THOC7: variants seen among roughly 807,000 people sequenced by gnomAD.
THOC7 encodes the protein NIF3L1-binding protein 1.
Under a neutral mutation model 33.1 loss-of-function variants are expected in THOC7, and 22 were observed. The ratio of observed to expected loss-of-function variants is 0.66; its 90% confidence interval spans 0.47 to 0.95. The LOEUF (loss-of-function observed/expected upper bound fraction) is 0.95. Among genes scored for constraint, THOC7 ranks in the 40% least tolerant of loss-of-function variants. THOC7 has a pLI of 0.00. For synonymous variants in THOC7, 77 were observed against 76.8 expected (o/e 1.00, Z -0.01); for missense variants, 184 against 245.3 (o/e 0.75, Z 1.67).
chr3:63,838,249 A>G, intron 3 of THOC7, 123 bp downstream of exon 3: 1 of 917,372 alleles, frequency 1.1e-6, no homozygotes, highest in Non-Finnish European at 1.6e-6. Context: ...CATTTACTGT[A>G]TTCTTTCCAT....
At chr3:63,859,176 T>C (rs997909473) in intron 1 of THOC7, among the ~76,000 whole-genome samples, 8 of 152,230 alleles carry the variant, frequency 5.3e-5, no homozygotes, top group Non-Finnish European at 8.8e-5. Context: ...ATCTGGAATA[T>C]TTTGCATTGG....
chr3:63,835,060 T>G (rs890340876), intron 7 of THOC7, 94 bp downstream of exon 7: 1 of 1,244,456 alleles, frequency 8.0e-7, no homozygotes, highest in Non-Finnish European at 1.1e-6. Flanking sequence ...ATTGAAGGTA[T>G]ACTGTCTCTC....
At chr3:63,863,637 G>C (rs1702296976) in intron 1 of THOC7, 135 bp downstream of exon 1, 2 of 1,208,270 alleles carry the variant, frequency 1.7e-6, no homozygotes, top group African/African-American at 1.6e-5. Flanking sequence ...GGGAGAGGTC[G>C]GGAAGGCCGA....
At chr3:63,837,181 CAAAAT>C in intron 4 of THOC7, among the ~76,000 whole-genome samples, 1 of 151,826 alleles carries the variant, frequency 6.6e-6, no homozygotes, top group Middle Eastern at 3.4e-3. Context: ...TTTTGAATTA[CAAAAT>C]AATACATGCC....
At chr3:63,862,821 T>TA (rs1702258501) in intron 1 of THOC7, among the ~76,000 whole-genome samples, 1 of 152,106 alleles carries the variant, frequency 6.6e-6, no homozygotes, top group Non-Finnish European at 1.5e-5. Flanking sequence ...CCTAACCAGA[T>TA]ACCTTGTAGG....
At chr3:63,862,029 G>A (rs541140067) in intron 1 of THOC7, among the ~76,000 whole-genome samples, 1 of 152,202 alleles carries the variant, frequency 6.6e-6, no homozygotes, top group South Asian at 2.1e-4. Flanking sequence ...GAGCTCAAGA[G>A]GTCCGCCTGC....
chr3:63,856,986 G>A (rs1327846216), intron 1 of THOC7, among the ~76,000 whole-genome samples: 1 of 152,190 alleles, frequency 6.6e-6, no homozygotes, highest in Non-Finnish European at 1.5e-5. Flanking sequence ...CCCAAGTGCT[G>A]GGATTACAGG....
chr3:63,856,359 C>A (rs1038274404), intron 1 of THOC7, among the ~76,000 whole-genome samples: 1 of 151,736 alleles, frequency 6.6e-6, no homozygotes, highest in Non-Finnish European at 1.5e-5. Context: ...TTATAGTCAA[C>A]AATAATTTAT....
chr3:63,850,999 C>T (rs1702009812), intron 1 of THOC7, among the ~76,000 whole-genome samples: 1 of 152,154 alleles, frequency 6.6e-6, no homozygotes. Context: ...TATTGTAGAG[C>T]AGATTACTTT....
rs138559119 is a variant in THOC7, at chr3:63,845,916, G to A, written c.20-6143C>T. Among the ~76,000 whole-genome samples, 319 of 152,294 alleles carry A rather than the reference G, an allele frequency of 2.1e-3. 1 individual carries two copies. The highest frequency in any genetic ancestry group is 6.7e-3 in the African/African-American group (277 of 41,564). ...GAATTATGATGCCATTACATGGAAT[G>A]TTCCACATGAAAAAGACTATTCATC... On this transcript the variant is annotated intron_variant, in intron 1 of 7. Transcript: ENST00000295899.
intron 3 of THOC7, 28 bp from the exon 4 acceptor site, chr3:63,838,090 G>T: frequency 6.5e-7 from 1 of 1,542,172 alleles, no homozygotes. Flanking sequence ...TTAAAAGATA[G>T]TTGTAACAAA....
chr3:63,845,762 T>C (rs1487162154), intron 1 of THOC7, among the ~76,000 whole-genome samples: 1 of 152,162 alleles, frequency 6.6e-6, no homozygotes, highest in East Asian at 1.9e-4. Context: ...CAACATAAAA[T>C]GGTTTCTTTA....
intron 2 of THOC7, 102 bp downstream of exon 2, chr3:63,839,554 C>T (rs1701712176): frequency 1.0e-6 from 1 of 972,794 alleles, no homozygotes; most frequent in East Asian, 2.4e-5. Flanking sequence ...CTCCACTGTA[C>T]ATTTAAGGTG....
At chr3:63,852,296 A>G (rs1001939595) in intron 1 of THOC7, among the ~76,000 whole-genome samples, 2 of 152,240 alleles carry the variant, frequency 1.3e-5, no homozygotes, top group Non-Finnish European at 2.9e-5. Context: ...GCTGAGCAGT[A>G]TAGATACCCT....
chr3:63,855,903 A>G (rs1467162273), intron 1 of THOC7, among the ~76,000 whole-genome samples: 1 of 152,378 alleles, frequency 6.6e-6, no homozygotes, highest in East Asian at 1.9e-4. Flanking sequence ...TAACAATTTC[A>G]GACAGGATTA....
chr3:63,859,327 C>A (rs1372244818), intron 1 of THOC7, among the ~76,000 whole-genome samples: 1 of 152,246 alleles, frequency 6.6e-6, no homozygotes. Context: ...AATTCAGTCT[C>A]CTTTCCAAAG....
intron 1 of THOC7, among the ~76,000 whole-genome samples, chr3:63,850,746 C>G (rs1428002949): frequency 4.0e-5 from 6 of 151,814 alleles, no homozygotes; most frequent in Non-Finnish European, 8.8e-5. Flanking sequence ...ACCACCACGC[C>G]CAGCTAAATT....
At position 63,836,285 on chromosome 3, in the gene THOC7, A is replaced by AAAGCTCTGT; in HGVS notation, c.410+15_410+16insACAGAGCTT. On this transcript the variant is annotated intron_variant, in intron 5 of 7. Transcript: ENST00000295899. ...TATAAAGGTTAGTTCCTTTCAAAGTAAAGCTCTACACTTACTTTAATGTCT... is the reference window on the plus strand; with the variant it reads ...TATAAAGGTTAGTTCCTTTCAAAGTAAAGCTCTGTAAGCTCTACACTTACTTTAATGTCT... 1.9e-6 allele frequency: 3 copies of AAAGCTCTGT among 1,607,424 alleles called. No individual in the cohort carries two copies. The highest frequency in any genetic ancestry group is 2.6e-6 in the Non-Finnish European group (3 of 1,176,344).
intron 1 of THOC7, among the ~76,000 whole-genome samples, chr3:63,853,389 A>G (rs1702054659): frequency 1.3e-5 from 2 of 152,166 alleles, no homozygotes; most frequent in South Asian, 4.1e-4. Context: ...CCAACTGCCT[A>G]GACCAGAAAA....
Sources: allele counts gnomAD v4.1 joint callset (sites outside exome capture counted in the v4.1 genomes callset), GRCh38; gene constraint gnomAD v4.1.1; transcripts MANE v1.5; gene names NCBI Gene and HGNC (gene_info 2026-07-23, HGNC 2026-07-21).